TRMT11: variants seen among roughly 807,000 people sequenced by gnomAD.
TRMT11 encodes tRNA (guanine(10)-N(2))-methyltransferase TRMT11.
A neutral mutation model predicts 62.8 loss-of-function variants in TRMT11; 53 were observed. That is an observed-to-expected ratio of 0.84 (90% CI 0.68 to 1.06). The LOEUF is 1.06. Among genes scored for constraint, TRMT11 ranks in the 50% least tolerant of loss-of-function variants. TRMT11 has a pLI of 0.00. For missense variants in TRMT11, 556 were observed against 553.4 expected (o/e 1.00, Z -0.05); for synonymous variants, 188 against 190.3 (o/e 0.99, Z 0.10).
At chr6:126,245,699 T>C in the TRMT11 span, among the ~76,000 whole-genome samples, 2 of 152,252 alleles carry the variant, frequency 1.3e-5, no homozygotes, top group Non-Finnish European at 2.9e-5. Flanking sequence ...TGCTGTATTA[T>C]AACTGGAAAC....
intron 17 of TRMT11, among the ~76,000 whole-genome samples, chr6:126,087,643 A>G (rs1027225650): frequency 6.6e-6 from 1 of 152,238 alleles, no homozygotes; most frequent in Non-Finnish European, 1.5e-5. Flanking sequence ...CGTGCCACAC[A>G]GGCAATGAAT....
chr6:126,175,946 G>A (rs1024369483), upstream of TRMT11, among the ~76,000 whole-genome samples: 1 of 152,142 alleles, frequency 6.6e-6, no homozygotes, highest in Non-Finnish European at 1.5e-5. Flanking sequence ...GACACCCTGG[G>A]TCTCCTTTCC....
upstream of TRMT11, among the ~76,000 whole-genome samples, chr6:126,173,533 G>T (rs780557696): frequency 5.9e-5 from 9 of 152,152 alleles, no homozygotes; most frequent in Non-Finnish European, 1.3e-4. Flanking sequence ...AAGGCAGTCG[G>T]GGCAAGCATG....
chr6:126,226,809 C>T, the TRMT11 span, among the ~76,000 whole-genome samples: 1 of 152,176 alleles, frequency 6.6e-6, no homozygotes, highest in Non-Finnish European at 1.5e-5. Flanking sequence ...GCTGTGTCCC[C>T]ACCCAAATCT....
intron 17 of TRMT11, among the ~76,000 whole-genome samples, chr6:126,069,833 C>A (rs1324069482): frequency 6.6e-6 from 1 of 151,094 alleles, no homozygotes; most frequent in South Asian, 2.1e-4. Context: ...AGTAGTGATA[C>A]CTTTGGTTTC....
At chr6:126,188,773 C>A (rs745332968) in intron 1 of TRMT11, among the ~76,000 whole-genome samples, 1 of 152,080 alleles carries the variant, frequency 6.6e-6, no homozygotes, top group Non-Finnish European at 1.5e-5. Flanking sequence ...TTTCTTGAAT[C>A]CCAAACACAT....
the TRMT11 span, among the ~76,000 whole-genome samples, chr6:126,232,966 CT>C: frequency 2.0e-5 from 3 of 152,070 alleles, no homozygotes; most frequent in African/African-American, 7.2e-5. Context: ...TTTGAATTCT[CT>C]TTTGATGACA....
chr6:125,993,624 T>C (rs1790990056), intron 1 of TRMT11, 133 bp from the exon 2 acceptor site: 1 of 466,976 alleles, frequency 2.1e-6, no homozygotes, highest in Non-Finnish European at 3.8e-6. Context: ...AATTGTCTGA[T>C]GTTGAAGCTT....
upstream of TRMT11, among the ~76,000 whole-genome samples, chr6:126,174,949 C>T (rs1447521795): frequency 6.6e-6 from 1 of 152,162 alleles, no homozygotes; most frequent in Non-Finnish European, 1.5e-5. Flanking sequence ...TGATAACAAC[C>T]AAAGCTCAGA....
intron 12 of TRMT11, among the ~76,000 whole-genome samples, chr6:126,034,348 T>C (rs537958280): frequency 6.6e-6 from 1 of 152,172 alleles, no homozygotes; most frequent in African/African-American, 2.4e-5. Context: ...GTAGGAAATA[T>C]ATCTTCCTTT....
At chr6:126,133,189 A>G (rs1777808830) in intron 21 of TRMT11, among the ~76,000 whole-genome samples, 1 of 152,024 alleles carries the variant, frequency 6.6e-6, no homozygotes, top group South Asian at 2.1e-4. Context: ...TTAGAAAAAC[A>G]TGTTATTCTC....
intron 1 of TRMT11, 41 bp downstream of exon 1, chr6:125,986,663 A>G (rs1481247814): frequency 1.3e-6 from 2 of 1,543,494 alleles, no homozygotes; most frequent in Middle Eastern, 1.7e-4. Context: ...ACGGAAGAGG[A>G]CGCTGGAGTG....
the TRMT11 span, among the ~76,000 whole-genome samples, chr6:126,239,853 C>T: frequency 1.3e-4 from 20 of 152,270 alleles, no homozygotes; most frequent in African/African-American, 2.4e-4. Flanking sequence ...ACCAATGAGA[C>T]GTAGATTTGG....
the TRMT11 span, among the ~76,000 whole-genome samples, chr6:126,253,622 C>T: frequency 4.6e-5 from 7 of 152,094 alleles, no homozygotes; most frequent in South Asian, 8.3e-4. Flanking sequence ...AGTCACTAGG[C>T]GACAGGAATT....
At chr6:126,044,198 TAAG>T (rs1775978085), downstream of TRMT11, among the ~76,000 whole-genome samples, 5 of 152,178 alleles carry the variant, frequency 3.3e-5, no homozygotes, top group African/African-American at 1.2e-4. Flanking sequence ...GTCTAACGTT[TAAG>T]TCTTTAATCC....
chr6:125,989,220 C>T (rs1790209970), intron 1 of TRMT11, among the ~76,000 whole-genome samples: 1 of 151,256 alleles, frequency 6.6e-6, no homozygotes, highest in Non-Finnish European at 1.5e-5. Context: ...GCTCCGCCTC[C>T]CTATTCAAGT....
chr6:126,004,297 T>C (rs781113114), intron 7 of TRMT11, among the ~76,000 whole-genome samples: 2 of 151,982 alleles, frequency 1.3e-5, no homozygotes, highest in African/African-American at 2.4e-5. Flanking sequence ...CCTGCTTCTG[T>C]TTGCTTTAGG....
chr6:126,250,226 T>C, the TRMT11 span, among the ~76,000 whole-genome samples: 1 of 152,134 alleles, frequency 6.6e-6, no homozygotes. Flanking sequence ...GATTTGGTAA[T>C]TTGGAGGAGA....
intron 21 of TRMT11, among the ~76,000 whole-genome samples, chr6:126,148,050 T>TA (rs1001030924): frequency 9.9e-5 from 15 of 151,756 alleles, no homozygotes; most frequent in Non-Finnish European, 1.5e-4. Context: ...GTATAATAAT[T>TA]AAAAAAAAAT....
Sources: allele counts gnomAD v4.1 joint callset (sites outside exome capture counted in the v4.1 genomes callset), GRCh38; gene constraint gnomAD v4.1.1; transcripts MANE v1.5; gene names NCBI Gene and HGNC (gene_info 2026-07-23, HGNC 2026-07-21).